The following SOX6 variants were observed in gnomAD, a reference collection of about 807,000 sequenced individuals.
The protein encoded by SOX6 is SRY-box transcription factor 6, also known as transcription factor SOX-6.
Under a neutral mutation model 97.8 loss-of-function variants are expected in SOX6, and 11 were observed. The observed-to-expected ratio is 0.11, with a 90% confidence interval of 0.07 to 0.19. The LOEUF (loss-of-function observed/expected upper bound fraction) is 0.19, where lower values mean the gene tolerates loss of function less well. SOX6 is among the 10% of genes least tolerant of loss of function. The probability of loss-of-function intolerance (pLI) is 1.00; values close to 1 mark genes in which losing one functional copy is unlikely to be tolerated. For synonymous variants in SOX6, 360 were observed against 371.4 expected (o/e 0.97, Z 0.35); for missense variants, 810 against 1,039.5 (o/e 0.78, Z 3.04).
rs188520669 is a variant in SOX6 at position 16,496,002 on chromosome 11, G to C, written n.610-19614C>G. Among the ~76,000 whole-genome samples the C allele has an allele frequency of 3.2e-4, 49 of 152,242 alleles. 1 individual carries two copies. Among genetic ancestry groups the C allele is most frequent in the Admixed American group, 3.2e-3 (49 of 15,300 alleles). ...TGTTTACAGCCAAAGAAATCATACA[G>C]AGACTACACAAATGCATGTACCCAG... On this transcript the variant is annotated intron_variant and non_coding_transcript_variant, in intron 4 of 5. Transcript: ENST00000524520.
At chr11:16,237,630 A>G (rs1289173766) in intron 3 of SOX6, among the ~76,000 whole-genome samples, 1 of 152,038 alleles carries the variant, frequency 6.6e-6, no homozygotes, top group East Asian at 1.9e-4. Context: ...TGGAAAGAAT[A>G]AGATCACACT....
At chr11:16,402,914 C>G (rs550332026) in intron 1 of SOX6, 56 of 1,428,602 alleles carry the variant, frequency 3.9e-5, no homozygotes, top group Non-Finnish European at 5.0e-5. Context: ...ATAAAAAGAA[C>G]CCTGTCCTTT....
chr11:16,577,448 G>A (rs908492694), intron 4 of SOX6, among the ~76,000 whole-genome samples: 15 of 152,136 alleles, frequency 9.9e-5, no homozygotes, highest in African/African-American at 3.6e-4. Context: ...AAATTGTTGT[G>A]CTATACATAT....
At chr11:16,007,769 T>C (rs1280415895) in intron 13 of SOX6, among the ~76,000 whole-genome samples, 2 of 152,098 alleles carry the variant, frequency 1.3e-5, no homozygotes, top group Non-Finnish European at 2.9e-5. Context: ...TCCAAATATG[T>C]CGGACAGAAC....
At chr11:16,431,010 C>T (rs1246807363) in intron 1 of SOX6, among the ~76,000 whole-genome samples, 1 of 152,140 alleles carries the variant, frequency 6.6e-6, no homozygotes, top group Admixed American at 6.6e-5. Context: ...CTTACTGTTA[C>T]TATTCTTCAA....
intron 6 of SOX6, among the ~76,000 whole-genome samples, chr11:16,119,984 T>A (rs1849447684): frequency 6.6e-6 from 1 of 152,112 alleles, no homozygotes; most frequent in African/African-American, 2.4e-5. Context: ...TCTTCCCAGG[T>A]GTATTCCACC....
At chr11:16,325,707 C>T (rs2134314932) in intron 2 of SOX6, among the ~76,000 whole-genome samples, 1 of 152,202 alleles carries the variant, frequency 6.6e-6, no homozygotes, top group East Asian at 1.9e-4. Context: ...TTAATCTTCA[C>T]ATAAGCTAAA....
At chr11:16,732,247 A>C (rs1848355931) in intron 2 of SOX6, among the ~76,000 whole-genome samples, 1 of 152,128 alleles carries the variant, frequency 6.6e-6, no homozygotes, top group African/African-American at 2.4e-5. Context: ...ACTTCGTTTC[A>C]TATGGAAACA....
intron 4 of SOX6, among the ~76,000 whole-genome samples, chr11:16,554,834 G>GA (rs1403295383): frequency 6.6e-6 from 1 of 151,592 alleles, no homozygotes; most frequent in Non-Finnish European, 1.5e-5. Context: ...GACGAGCAAA[G>GA]AAAAAAAACC....
chr11:16,672,004 TAAAG>T (rs1418471345), intron 3 of SOX6, among the ~76,000 whole-genome samples: 1 of 152,170 alleles, frequency 6.6e-6, no homozygotes, highest in Non-Finnish European at 1.5e-5. Flanking sequence ...TCAACATTCT[TAAAG>T]AAAAAATCTT....
At chr11:16,103,029 A>T (rs1026802529) in intron 7 of SOX6, among the ~76,000 whole-genome samples, 1 of 152,110 alleles carries the variant, frequency 6.6e-6, no homozygotes, top group African/African-American at 2.4e-5. Flanking sequence ...AATAGATGGG[A>T]CTTAATTAAA....
chr11:16,035,382 A>G (rs1476340291), intron 12 of SOX6, among the ~76,000 whole-genome samples: 1 of 152,132 alleles, frequency 6.6e-6, no homozygotes, highest in Non-Finnish European at 1.5e-5. Flanking sequence ...TAAAAATTCC[A>G]CTTCTTAGGA....
At chr11:16,219,540 C>T (rs1852475147) in intron 4 of SOX6, among the ~76,000 whole-genome samples, 1 of 151,884 alleles carries the variant, frequency 6.6e-6, no homozygotes, top group Admixed American at 6.6e-5. Context: ...AATAATTGCT[C>T]AAATTTCCTC....
chr11:16,169,523 T>C (rs1301037539), intron 6 of SOX6, among the ~76,000 whole-genome samples: 5 of 151,788 alleles, frequency 3.3e-5, no homozygotes, highest in Admixed American at 6.6e-5. Context: ...AAAATATGAG[T>C]GATGAAAGTA....
intron 2 of SOX6, among the ~76,000 whole-genome samples, chr11:16,732,840 C>T (rs1283401382): frequency 6.6e-6 from 1 of 152,190 alleles, no homozygotes; most frequent in African/African-American, 2.4e-5. Flanking sequence ...ATCTATCCAT[C>T]TGACAAAGTG....
intron 4 of SOX6, among the ~76,000 whole-genome samples, chr11:16,570,016 T>C (rs1248541243): frequency 1.3e-5 from 2 of 151,958 alleles, no homozygotes; most frequent in Non-Finnish European, 2.9e-5. Flanking sequence ...TTTGCAAACA[T>C]AGCAAAGACA....
intron 6 of SOX6, among the ~76,000 whole-genome samples, chr11:16,135,867 G>A (rs760647476): frequency 6.6e-5 from 10 of 152,150 alleles, no homozygotes; most frequent in South Asian, 2.1e-4. Flanking sequence ...GAAATCTTTC[G>A]TGAAAGAGTC....
intron 3 of SOX6, among the ~76,000 whole-genome samples, chr11:16,673,020 T>A (rs1239293592): frequency 6.6e-6 from 1 of 152,066 alleles, no homozygotes; most frequent in African/African-American, 2.4e-5. Flanking sequence ...TGCAGTTAGC[T>A]GAGATCATGC....
intron 9 of SOX6, among the ~76,000 whole-genome samples, chr11:16,076,785 C>T (rs1408671995): frequency 2.5e-5 from 3 of 118,750 alleles, no homozygotes; most frequent in South Asian, 5.7e-4. Context: ...CTCTCTCTGT[C>T]GCCCAGGCCG....
Sources: allele counts gnomAD v4.1 joint callset (sites outside exome capture counted in the v4.1 genomes callset), GRCh38; gene constraint gnomAD v4.1.1; transcripts MANE v1.5; gene names NCBI Gene and HGNC (gene_info 2026-07-23, HGNC 2026-07-21).